The following CPAMD8 variants were observed in gnomAD, a reference collection of about 807,000 sequenced individuals.
The protein encoded by CPAMD8 is C3 and PZP-like alpha-2-macroglobulin domain-containing protein 8.
CPAMD8 carries 146 observed loss-of-function variants against 224.7 expected under a neutral mutation model. That is an observed-to-expected ratio of 0.65 (90% CI 0.57 to 0.75). CPAMD8 has a LOEUF of 0.75. Among genes scored for constraint, CPAMD8 ranks in the 30% least tolerant of loss-of-function variants. The pLI is 0.00. For synonymous variants in CPAMD8, 966 were observed against 1,044.6 expected, an observed-to-expected ratio of 0.92 and a Z score of 1.45; for missense variants, 2,301 against 2,537.5, an observed-to-expected ratio of 0.91 and a Z score of 2.00.
intron 5 of CPAMD8, among the ~76,000 whole-genome samples, chr19:17,010,443 T>C (rs1599905794): frequency 6.6e-6 from 1 of 152,152 alleles, no homozygotes; most frequent in East Asian, 1.9e-4. Flanking sequence ...TTTCGCTATG[T>C]TGCCCAGAAT....
chr19:16,914,832 T>A lies in CPAMD8; in HGVS notation c.3630-19A>T. 6.3e-7 allele frequency: 1 copy of A among 1,580,122 alleles called. No individual in the cohort carries two copies. ...TGTGAGCCTGAAAGAGGACAGGGTG[T>A]CAGCTGAGGGGTTGCAGAATGGTCA... On this transcript the variant is annotated intron_variant, in intron 27 of 41. Coordinates refer to ENST00000443236, the MANE Select transcript of CPAMD8 (RefSeq NM_015692.5).
At chr19:16,936,086 C>G (rs1415677280) in intron 23 of CPAMD8, among the ~76,000 whole-genome samples, 3 of 152,066 alleles carry the variant, frequency 2.0e-5, no homozygotes, top group African/African-American at 7.2e-5. Context: ...AGCCACCATG[C>G]CCAGCTAATA....
In CPAMD8 at chr19:16,893,270, C is replaced by T. The variant is rs779010199; in HGVS notation, c.5496G>A (p.Pro1832=). Residue 1832 remains proline, a synonymous_variant, in exon 42 of 42, where the codon CCG becomes CCA. Transcript: ENST00000443236. ...NLESSTQSAS[P]FHRWGQTPAP... Reference sequence around the variant, plus strand: ...CCGGAGTCTGGCCCCATCTGTGGAACGGGCTGGCGCTCTGGGTGCTGCTTT... The same window carrying T: ...CCGGAGTCTGGCCCCATCTGTGGAATGGGCTGGCGCTCTGGGTGCTGCTTT... 98 of 1,565,040 alleles carry T rather than the reference C, an allele frequency of 6.3e-5. No individual in the cohort carries two copies. The Middle Eastern group carries it at 6.8e-4, about 11-fold the overall frequency.
chr19:16,894,482 C>A (rs766444053), intron 41 of CPAMD8: 5 of 456,520 alleles, frequency 1.1e-5, no homozygotes, highest in South Asian at 4.6e-5. Flanking sequence ...GCCAGGACTT[C>A]GGGATGGGAC....
At chr19:16,917,660 G>C (rs1568473112) in intron 27 of CPAMD8, among the ~76,000 whole-genome samples, 1 of 152,188 alleles carries the variant, frequency 6.6e-6, no homozygotes. Context: ...AAAATTGCTT[G>C]AGCCCAGAAA....
chr19:16,995,395 T>G (rs1433289472), intron 11 of CPAMD8, among the ~76,000 whole-genome samples: 1 of 150,850 alleles, frequency 6.6e-6, no homozygotes, highest in African/African-American at 2.5e-5. Flanking sequence ...TTTGTTTTTG[T>G]TTTTTGTTTT....
intron 6 of CPAMD8, among the ~76,000 whole-genome samples, chr19:17,009,036 C>T (rs1032401269): frequency 2.0e-5 from 3 of 151,774 alleles, no homozygotes; most frequent in African/African-American, 7.3e-5. Context: ...GCAGAGGTTG[C>T]AGTGAGCCAA....
chr19:16,930,399 G>A (rs2053511009), intron 23 of CPAMD8, among the ~76,000 whole-genome samples: 1 of 152,078 alleles, frequency 6.6e-6, no homozygotes, highest in African/African-American at 2.4e-5. Context: ...GGGGAGAGGG[G>A]CTACTTAGAG....
chr19:16,914,639 G>T lies in CPAMD8; in HGVS notation c.3786+18C>A. 6.2e-7 allele frequency: 1 copy of T among 1,613,762 alleles called. No individual in the cohort carries two copies. Among genetic ancestry groups the T allele is most frequent in the Non-Finnish European group, 8.5e-7 (1 of 1,179,786 alleles). ...AGGAGGTGAGGGGCCCGGGAAGGAG[G>T]CTCAAGGGGCCACTCACCTGGATGT... On this transcript the variant is annotated intron_variant, in intron 28 of 41. Coordinates refer to ENST00000443236, the MANE Select transcript of CPAMD8 (RefSeq NM_015692.5).
chr19:16,945,572 C>G lies in CPAMD8; in HGVS notation c.2770G>C (p.Val924Leu). The G allele has an allele frequency of 6.2e-7, 1 of 1,614,136 alleles. No homozygotes were observed. The highest frequency in any genetic ancestry group is 8.5e-7 in the Non-Finnish European group (1 of 1,179,970). ...DRRVPIGVDH[V>L]RRSVMVEAEG... ...ACCTCAACCATCACACTGCGCCTGA[C>G]GTGATCCACCCCGATGGGGACCCTC... The change falls in exon 22 of 42, where the codon GTC (valine) becomes CTC (leucine). Residue 924 changes from valine to leucine, a missense_variant. Coordinates refer to ENST00000443236, the MANE Select transcript of CPAMD8 (RefSeq NM_015692.5).
At chr19:17,012,346 C>CTT (rs145012155) in intron 3 of CPAMD8, among the ~76,000 whole-genome samples, 3 of 92,648 alleles carry the variant, frequency 3.2e-5, no homozygotes, top group Non-Finnish European at 7.7e-5. Flanking sequence ...TTCTTTCTTT[C>CTT]TTTCTTTTTT....
At chr19:16,962,452 A>G (rs2054688813) in intron 18 of CPAMD8, among the ~76,000 whole-genome samples, 1 of 152,228 alleles carries the variant, frequency 6.6e-6, no homozygotes, top group Admixed American at 6.6e-5. Flanking sequence ...GTGATTGAAG[A>G]TTAAATTAAT....
intron 41 of CPAMD8, 52 bp downstream of exon 41, chr19:16,896,124 G>GGGGAGATA: frequency 6.3e-7 from 1 of 1,595,114 alleles, no homozygotes. Flanking sequence ...GGAGGGAGGT[G>GGGGAGATA]GGGAGATATT....
At chr19:16,987,182 ATATATATATAT>A (rs2055771041) in intron 13 of CPAMD8, among the ~76,000 whole-genome samples, 6 of 61,838 alleles carry the variant, frequency 9.7e-5, no homozygotes, top group African/African-American at 4.3e-4. Flanking sequence ...AAAAAAAAAT[ATATATATATAT>A]ATATATATAT....
intron 30 of CPAMD8, among the ~76,000 whole-genome samples, chr19:16,905,618 G>A (rs978030109): frequency 6.8e-6 from 1 of 147,926 alleles, no homozygotes; most frequent in African/African-American, 2.5e-5. Flanking sequence ...GAGCTCGCAT[G>A]AGGTGTAAAG....
chr19:17,017,606 C>A (rs565140876), intron 3 of CPAMD8, among the ~76,000 whole-genome samples: 1 of 152,310 alleles, frequency 6.6e-6, no homozygotes, highest in African/African-American at 2.4e-5. Flanking sequence ...GCCAGTAGCA[C>A]CTGGCACCGC....
chr19:17,007,677 C>A (rs543384940), intron 7 of CPAMD8, among the ~76,000 whole-genome samples: 2 of 152,246 alleles, frequency 1.3e-5, no homozygotes, highest in African/African-American at 4.8e-5. Flanking sequence ...CCCAGACTCC[C>A]CACACCCTAC....
chr19:16,947,200 C>T lies in CPAMD8; in HGVS notation c.2536G>A (p.Gly846Ser), dbSNP rs2054132953. 1 of 1,613,396 alleles carries T rather than the reference C, an allele frequency of 6.2e-7. No homozygotes were observed. The highest frequency in any genetic ancestry group is 1.3e-5 in the African/African-American group (1 of 74,904). ...EVYMKLSVPKGIQFVGHPGKR... is the reference protein window; with the variant it reads ...EVYMKLSVPKSIQFVGHPGKR... ...CCAGGATGCCCAACAAACTGGATGC[C>T]CTTGGGAACCGAGAGCTTCATGTAC... The change falls in exon 21 of 42, where the codon GGC becomes AGC. Residue 846 changes from glycine to serine, a missense_variant. Gly to Ser is a moderately conservative substitution (Grantham distance 56). Transcript: ENST00000443236.
chr19:16,916,518 C>T (rs2052966382), intron 27 of CPAMD8, among the ~76,000 whole-genome samples: 1 of 152,032 alleles, frequency 6.6e-6, no homozygotes, highest in South Asian at 2.1e-4. Context: ...TCCCAAAGTG[C>T]TGGGATTCAG....
Sources: gnomAD v4.1 joint callset for allele counts (sites outside exome capture counted in the v4.1 genomes callset) on GRCh38, gnomAD v4.1.1 for gene constraint, MANE v1.5 for transcripts, NCBI Gene and HGNC (gene_info 2026-07-23, HGNC 2026-07-21) for gene names.